The following EDA variants were observed in gnomAD, a reference collection of about 807,000 sequenced individuals.
EDA encodes the protein ectodysplasin-A.
A neutral mutation model predicts 23.6 loss-of-function variants in EDA; 2 were observed. The observed-to-expected ratio is 0.08, with a 90% CI of 0.03 to 0.27. The LOEUF (loss-of-function observed/expected upper bound fraction) is 0.27. Among genes scored for constraint, EDA ranks in the 10% least tolerant of loss-of-function variants. EDA has a pLI of 1.00. For missense variants in EDA, 229 were observed against 324.2 expected, an observed-to-expected ratio of 0.71 and a Z score of 2.26; for synonymous variants, 131 against 132.0, an observed-to-expected ratio of 0.99 and a Z score of 0.05.
chrX:69,770,068 A>G (rs1053156686), intron 1 of EDA, among the ~76,000 whole-genome samples: 10 of 112,064 alleles, frequency 8.9e-5, no homozygotes, highest in African/African-American at 3.2e-4. Flanking sequence ...CTGCACATTC[A>G]CCCAAGCTGT....
intron 1 of EDA, among the ~76,000 whole-genome samples, chrX:69,867,797 C>T (rs745511626): frequency 5.4e-5 from 6 of 111,911 alleles, no homozygotes; most frequent in Non-Finnish European, 1.1e-4. Context: ...GGAGTGGAGA[C>T]CATGGGCATT....
chrX:69,945,920 G>A (rs1225707514), intron 1 of EDA, among the ~76,000 whole-genome samples: 9 of 111,757 alleles, frequency 8.1e-5, no homozygotes, highest in Non-Finnish European at 1.1e-4. Flanking sequence ...CTGCCATTAC[G>A]TCACATAATG....
At chrX:69,808,700 C>A (rs2015871210) in intron 1 of EDA, among the ~76,000 whole-genome samples, 1 of 111,591 alleles carries the variant, frequency 9.0e-6, no homozygotes, top group Non-Finnish European at 1.9e-5. Flanking sequence ...CCATGAGTAG[C>A]AAGATAAGGT....
intron 1 of EDA, among the ~76,000 whole-genome samples, chrX:69,893,633 C>G (rs1436020600): frequency 8.9e-6 from 1 of 112,428 alleles, no homozygotes; most frequent in Non-Finnish European, 1.9e-5. Context: ...AATAAGTTTC[C>G]TCTAGCTCTA....
chrX:69,828,218 T>A (rs2016508680), intron 1 of EDA, among the ~76,000 whole-genome samples: 1 of 112,309 alleles, frequency 8.9e-6, no homozygotes, highest in Admixed American at 9.4e-5. Flanking sequence ...TGAGCTGTGG[T>A]GGGCTCCACC....
chrX:70,015,369 T>C (rs755816141), intron 2 of EDA, among the ~76,000 whole-genome samples: 2 of 111,797 alleles, frequency 1.8e-5, no homozygotes, highest in Non-Finnish European at 3.8e-5. Context: ...GGTCAGGAGT[T>C]TGAGACCACC....
At chrX:69,877,025 TGACCA>T (rs1325442447) in intron 1 of EDA, among the ~76,000 whole-genome samples, 12 of 112,571 alleles carry the variant, frequency 1.1e-4, no homozygotes, top group Admixed American at 9.4e-5. Flanking sequence ...TTTTGCAAAA[TGACCA>T]TACCACTAGA....
chrX:69,741,956 G>A (rs1016327622), intron 1 of EDA, among the ~76,000 whole-genome samples: 2 of 111,849 alleles, frequency 1.8e-5, no homozygotes, highest in African/African-American at 6.5e-5. Flanking sequence ...CTGTTCTTAT[G>A]GTCTTCCTGC....
At chrX:69,703,055 A>T (rs1352290374) in intron 1 of EDA, among the ~76,000 whole-genome samples, 11 of 110,321 alleles carry the variant, frequency 1.0e-4, no homozygotes, top group Non-Finnish European at 7.6e-5. Context: ...AGGGAAAGGG[A>T]GACCATCTTG....
chrX:69,713,277 T>C (rs948112968), intron 1 of EDA, among the ~76,000 whole-genome samples: 1 of 112,182 alleles, frequency 8.9e-6, no homozygotes, highest in African/African-American at 3.2e-5. Context: ...CTCCTTTGTA[T>C]GCTCTAGTTT....
intron 1 of EDA, among the ~76,000 whole-genome samples, chrX:69,665,993 T>C (rs940294107): frequency 1.3e-4 from 15 of 111,863 alleles, no homozygotes; most frequent in Admixed American, 2.9e-4. Context: ...GTTTATTTCA[T>C]CAGTGTTTTG....
At chrX:69,833,926 A>G (rs1040052674) in intron 1 of EDA, among the ~76,000 whole-genome samples, 1 of 105,574 alleles carries the variant, frequency 9.5e-6, no homozygotes, top group African/African-American at 3.4e-5. Flanking sequence ...TACATTAGGT[A>G]TATCTCCTAA....
At chrX:69,753,492 T>C (rs1025080200) in intron 1 of EDA, among the ~76,000 whole-genome samples, 1 of 111,878 alleles carries the variant, frequency 8.9e-6, no homozygotes, top group Non-Finnish European at 1.9e-5. Flanking sequence ...GTGCTTTACT[T>C]CCCACTATGT....
chrX:69,814,217 C>T (rs1277285814), intron 1 of EDA, among the ~76,000 whole-genome samples: 1 of 112,287 alleles, frequency 8.9e-6, no homozygotes, highest in Non-Finnish European at 1.9e-5. Context: ...GTTAGGCAAC[C>T]GTCTATACCA....
At chrX:69,990,806 G>T (rs1490502898) in intron 2 of EDA, among the ~76,000 whole-genome samples, 4 of 103,125 alleles carry the variant, frequency 3.9e-5, no homozygotes, top group African/African-American at 1.4e-4. Context: ...TCACTTCCAA[G>T]TCTGGGATTT....
intron 1 of EDA, among the ~76,000 whole-genome samples, chrX:69,671,494 C>T (rs986364388): frequency 3.6e-5 from 4 of 111,292 alleles, no homozygotes; most frequent in African/African-American, 1.3e-4. Context: ...GTTCACTCTC[C>T]AAGGCATGAA....
chrX:69,835,606 C>T (rs956300155), intron 1 of EDA, among the ~76,000 whole-genome samples: 1 of 111,133 alleles, frequency 9.0e-6, no homozygotes, highest in African/African-American at 3.3e-5. Flanking sequence ...TCTAGTTAGC[C>T]GTTTGTCTAA....
intron 1 of EDA, among the ~76,000 whole-genome samples, chrX:69,621,377 C>A (rs1310608610): frequency 8.9e-6 from 1 of 111,820 alleles, no homozygotes; most frequent in African/African-American, 3.2e-5. Flanking sequence ...AACTCATACA[C>A]AGAAAAGTAT....
At chrX:69,928,829 A>G (rs2018556930) in intron 1 of EDA, among the ~76,000 whole-genome samples, 1 of 111,717 alleles carries the variant, frequency 9.0e-6, no homozygotes, top group South Asian at 3.7e-4. Flanking sequence ...TAAAGTGTTA[A>G]ATAGCTGAAA....
Sources: gnomAD v4.1 joint callset for allele counts (sites outside exome capture counted in the v4.1 genomes callset) on GRCh38, gnomAD v4.1.1 for gene constraint, MANE v1.5 for transcripts, NCBI Gene and HGNC (gene_info 2026-07-23, HGNC 2026-07-21) for gene names.